Variants in PTPRN2 observed in about 807,000 individuals in gnomAD.
PTPRN2 encodes the protein protein tyrosine phosphatase receptor type N2.
In PTPRN2, 74 loss-of-function variants were observed where a neutral mutation model predicts 118.8. The ratio of observed to expected loss-of-function variants is 0.62; its 90% CI spans 0.52 to 0.76. The LOEUF is 0.76. PTPRN2 is among the 30% of genes least tolerant of loss of function. The pLI, the probability that PTPRN2 is intolerant of heterozygous loss-of-function variation, is 0.00. For missense variants in PTPRN2, 1,481 were observed against 1,394.4 expected, an observed-to-expected ratio of 1.06 and a Z score of -0.99; for synonymous variants, 641 against 608.0, an observed-to-expected ratio of 1.05 and a Z score of -0.80.
intron 11 of PTPRN2, among the ~76,000 whole-genome samples, chr7:158,076,366 GC>G (rs748370978): frequency 5.9e-5 from 9 of 152,356 alleles, no homozygotes; most frequent in Non-Finnish European, 1.0e-4. Flanking sequence ...CTGGTGACCA[GC>G]ATGCAGCTCC....
At chr7:158,144,347 G>A (rs1819683740) in intron 6 of PTPRN2, among the ~76,000 whole-genome samples, 1 of 152,244 alleles carries the variant, frequency 6.6e-6, no homozygotes, top group South Asian at 2.1e-4. Context: ...GAAAGAGAAA[G>A]CAGACATCAG....
chr7:157,926,555 G>C (rs1799006088), intron 11 of PTPRN2, among the ~76,000 whole-genome samples: 1 of 152,192 alleles, frequency 6.6e-6, no homozygotes. Context: ...ACCTAAATGA[G>C]AAGTGGAGGC....
At chr7:157,625,205 T>C (rs995813673) in intron 14 of PTPRN2, among the ~76,000 whole-genome samples, 25 of 152,228 alleles carry the variant, frequency 1.6e-4, no homozygotes, top group African/African-American at 6.0e-4. Flanking sequence ...AGAAATACCA[T>C]ATGATCCGGC....
At chr7:157,624,307 A>G (rs1232153213) in intron 14 of PTPRN2, among the ~76,000 whole-genome samples, 3 of 152,142 alleles carry the variant, frequency 2.0e-5, no homozygotes, top group Non-Finnish European at 4.4e-5. Context: ...TCTAAGCCCA[A>G]CTACTCGGGA....
intron 4 of PTPRN2, among the ~76,000 whole-genome samples, chr7:158,201,589 T>C (rs1826651722): frequency 6.6e-6 from 1 of 152,146 alleles, no homozygotes; most frequent in Non-Finnish European, 1.5e-5. Context: ...CAGGAGATAA[T>C]CAACCAAGAG....
intron 2 of PTPRN2, among the ~76,000 whole-genome samples, chr7:158,395,949 C>A (rs970360867): frequency 9.2e-5 from 14 of 152,046 alleles, no homozygotes; most frequent in Non-Finnish European, 1.9e-4. Context: ...CCCTCTGCCC[C>A]CTGGTCACAG....
chr7:157,725,311 G>GAGCCAGACCCTCGCCTCCCAGGAGAAC (rs1799488902), intron 12 of PTPRN2, among the ~76,000 whole-genome samples: 1 of 105,964 alleles, frequency 9.4e-6, no homozygotes, highest in African/African-American at 4.9e-5. Flanking sequence ...CCAGAGGAGT[G>GAGCCAGACCCTCGCCTCCCAGGAGAAC]TGGCCAGACC....
At chr7:157,890,945 G>A (rs755293968) in intron 12 of PTPRN2, among the ~76,000 whole-genome samples, 9 of 152,200 alleles carry the variant, frequency 5.9e-5, no homozygotes, top group Non-Finnish European at 1.2e-4. Context: ...GGGCACCGCA[G>A]AGCAACAACA....
chr7:157,672,147 C>T (rs1796448143), intron 13 of PTPRN2, among the ~76,000 whole-genome samples: 1 of 151,986 alleles, frequency 6.6e-6, no homozygotes, highest in African/African-American at 2.4e-5. Flanking sequence ...TTTGAAATCT[C>T]AAGATGTGTC....
rs180716842 is a variant in PTPRN2 at position 157,598,822 on chromosome 7, G to A, written c.2419-3507C>T. ...GCTGCTGTGTCCTCCAGTGGTGTGCGGGGCCAAGCATCTGAATGGCGAGGT... is the reference window on the plus strand; with the variant it reads ...GCTGCTGTGTCCTCCAGTGGTGTGCAGGGCCAAGCATCTGAATGGCGAGGT... On this transcript the variant is annotated intron_variant, in intron 16 of 22. Coordinates refer to ENST00000389418, the MANE Select transcript of PTPRN2 (RefSeq NM_002847.5). This position sits in a 1 kb window ranked among gnomAD's most constrained non-coding sequence, Gnocchi z 5.2. 6.8e-4 allele frequency among the ~76,000 whole-genome samples: 103 copies of A among 152,236 alleles called. No individual in the cohort carries two copies. Among genetic ancestry groups the A allele is most frequent in the African/African-American group, 2.3e-3 (94 of 41,524 alleles).
intron 9 of PTPRN2, among the ~76,000 whole-genome samples, chr7:158,120,588 T>A (rs913319152): frequency 6.6e-6 from 1 of 152,136 alleles, no homozygotes; most frequent in Non-Finnish European, 1.5e-5. Flanking sequence ...TTCTTTAAAG[T>A]GGATTTTTCA....
chr7:157,746,517 C>T (rs909074325), intron 12 of PTPRN2, among the ~76,000 whole-genome samples: 5 of 142,516 alleles, frequency 3.5e-5, no homozygotes, highest in Admixed American at 7.0e-5. Flanking sequence ...ACAGTCCACA[C>T]GGGGCCCTGA....
chr7:158,519,382 G>A (rs146631238), intron 1 of PTPRN2, among the ~76,000 whole-genome samples: 39 of 152,274 alleles, frequency 2.6e-4, no homozygotes, highest in African/African-American at 7.7e-4. Context: ...AACAGAATTA[G>A]TCTATAAATA....
chr7:158,327,494 C>T (rs1301440967), intron 2 of PTPRN2, among the ~76,000 whole-genome samples: 1 of 152,034 alleles, frequency 6.6e-6, no homozygotes, highest in African/African-American at 2.4e-5. Flanking sequence ...TTCTCACATG[C>T]ACAAGTTCTC....
intron 12 of PTPRN2, among the ~76,000 whole-genome samples, chr7:157,749,721 T>TAG (rs1801329884): frequency 7.3e-6 from 1 of 136,742 alleles, no homozygotes; most frequent in Non-Finnish European, 1.6e-5. Context: ...CCCTGAGCTG[T>TAG]GAGCTGCCCG....
intron 11 of PTPRN2, among the ~76,000 whole-genome samples, chr7:157,966,693 CCAT>C (rs1173142014): frequency 1.3e-5 from 2 of 151,628 alleles, no homozygotes; most frequent in South Asian, 2.1e-4. Flanking sequence ...ATCACAATCC[CCAT>C]CATCTTCATC....
At chr7:158,046,625 C>T (rs900820591) in intron 11 of PTPRN2, among the ~76,000 whole-genome samples, 1 of 152,210 alleles carries the variant, frequency 6.6e-6, no homozygotes, top group African/African-American at 2.4e-5. Context: ...TATGCAGCAG[C>T]TCTGGGACTA....
chr7:157,584,103 C>T (rs1800534786), intron 17 of PTPRN2, among the ~76,000 whole-genome samples: 1 of 152,092 alleles, frequency 6.6e-6, no homozygotes, highest in Admixed American at 6.5e-5. Flanking sequence ...GAGTTCAGGA[C>T]CAGCCTGGGC....
At chr7:157,680,262 AC>A (rs1250572386) in intron 13 of PTPRN2, among the ~76,000 whole-genome samples, 1 of 152,218 alleles carries the variant, frequency 6.6e-6, no homozygotes, top group Non-Finnish European at 1.5e-5. Flanking sequence ...ATCATCCACA[AC>A]CTCACTGTGA....
Sources: gnomAD v4.1 joint callset for allele counts (sites outside exome capture counted in the v4.1 genomes callset) on GRCh38, gnomAD v4.1.1 for gene constraint, Gnocchi (gnomAD v3.1) non-coding constraint, MANE v1.5 for transcripts, NCBI Gene and HGNC (gene_info 2026-07-23, HGNC 2026-07-21) for gene names.